The following RNF216 variants were observed in gnomAD, a reference collection of about 807,000 sequenced individuals.
RNF216 encodes E3 ubiquitin-protein ligase RNF216.
In RNF216, 72 loss-of-function variants were observed where a neutral mutation model predicts 110.8. The ratio of observed to expected loss-of-function variants is 0.65; its 90% CI spans 0.54 to 0.79. The LOEUF (loss-of-function observed/expected upper bound fraction) is 0.79. Among genes scored for constraint, RNF216 ranks in the 30% least tolerant of loss-of-function variants. RNF216 has a pLI of 0.00. For synonymous variants in RNF216, 495 were observed against 407.5 expected, an observed-to-expected ratio of 1.21 and a Z score of -2.59; for missense variants, 1,342 against 1,141.2, an observed-to-expected ratio of 1.18 and a Z score of -2.54.
At chr7:5,721,620 A>C (rs1326675745) in intron 8 of RNF216, among the ~76,000 whole-genome samples, 1 of 152,224 alleles carries the variant, frequency 6.6e-6, no homozygotes, top group African/African-American at 2.4e-5. Flanking sequence ...CCAGTTTTCC[A>C]AAGTGGTTGT....
At chr7:5,735,351 G>A (rs374223757) in intron 5 of RNF216, among the ~76,000 whole-genome samples, 44 of 152,216 alleles carry the variant, frequency 2.9e-4, no homozygotes, top group African/African-American at 1.0e-3. Flanking sequence ...CACCATGGGA[G>A]CCAGCAGGAA....
At chr7:5,752,146 C>T (rs1458106427) in intron 3 of RNF216, among the ~76,000 whole-genome samples, 2 of 151,836 alleles carry the variant, frequency 1.3e-5, no homozygotes, top group African/African-American at 4.8e-5. Context: ...GATCGCGCCA[C>T]TGCACTCCAG....
At chr7:5,684,411 A>G (rs1001489978) in intron 13 of RNF216, among the ~76,000 whole-genome samples, 3 of 152,112 alleles carry the variant, frequency 2.0e-5, no homozygotes, top group African/African-American at 4.8e-5. Flanking sequence ...CTGGCCCACA[A>G]GCTGGGCCTT....
In RNF216 at chr7:5,715,136, G is replaced by C. The variant is rs771092760; in HGVS notation, c.1750C>G (p.Leu584Val). 7 of 1,613,738 alleles carry C rather than the reference G, an allele frequency of 4.3e-6. No homozygotes were observed. In the Admixed American group the frequency reaches 8.3e-5, roughly 19 times the overall value. ...AAGTGAGCATCTGCGCACTGCGTCA[G>C]CTCCTCGAATGGAAATTCCCCATAG... ...CCYGEFPFEE[L>V]TQCADAHLFC... The change falls in exon 11 of 17, where the codon CTG becomes GTG. Residue 584 changes from leucine (L) to valine (V), a missense_variant. Transcript: ENST00000389902.
At chr7:5,769,907 AGTGCTTGTAGCCAG>A (rs1243606395) in intron 1 of RNF216, among the ~76,000 whole-genome samples, 4 of 42,792 alleles carry the variant, frequency 9.3e-5, no homozygotes, top group Admixed American at 6.2e-4. Context: ...CTTGGTGGCG[AGTGCTTGTAGCCAG>A]GAGGCTGAGA....
chr7:5,641,076 T>C, intron 15 of RNF216, 78 bp downstream of exon 15: 1 of 1,168,566 alleles, frequency 8.6e-7, no homozygotes, highest in Non-Finnish European at 1.2e-6. Context: ...TTTTGTTACG[T>C]ATATTCAAAA....
chr7:5,643,939 G>A (rs1322883748), intron 14 of RNF216, among the ~76,000 whole-genome samples: 1 of 152,182 alleles, frequency 6.6e-6, no homozygotes, highest in Non-Finnish European at 1.5e-5. Flanking sequence ...CATAGGAATG[G>A]AAATCACACG....
chr7:5,746,693 T>C (rs535300460), intron 3 of RNF216, among the ~76,000 whole-genome samples: 53 of 152,306 alleles, frequency 3.5e-4, no homozygotes, highest in African/African-American at 1.2e-3. Context: ...TTTCTAAAAA[T>C]TGGAGTACTC....
chr7:5,725,386 C>G lies in RNF216; in HGVS notation c.1442G>C (p.Gly481Ala). The change falls in exon 8 of 17, where the codon GGA becomes GCA. Residue 481 changes from glycine (G) to alanine (A), a missense_variant. By Grantham distance (60) the Gly-to-Ala change is moderately conservative. Coordinates refer to ENST00000389902, the MANE Select transcript of RNF216 (RefSeq NM_207111.4). ...KWQELSPETS[G>A]KRKKRKQMNQ... is the part of the protein sequence containing the mutation. ...CATTTGTTTTCTCTTCTTCCTTTTT[C>G]CACTGGTTTCTGGTGACAGCTCCTG... 1.2e-6 allele frequency: 2 copies of G among 1,613,906 alleles called. No individual in the cohort carries two copies. Among genetic ancestry groups the G allele is most frequent in the Non-Finnish European group, 1.7e-6 (2 of 1,179,818 alleles).
At chr7:5,640,937 G>T (rs549960036) in intron 15 of RNF216, among the ~76,000 whole-genome samples, 2 of 152,290 alleles carry the variant, frequency 1.3e-5, no homozygotes, top group East Asian at 1.9e-4. Context: ...AGAATTAAAA[G>T]AATTTGCCTA....
At chr7:5,638,440 T>A (rs1787531564) in intron 15 of RNF216, among the ~76,000 whole-genome samples, 1 of 152,162 alleles carries the variant, frequency 6.6e-6, no homozygotes, top group African/African-American at 2.4e-5. Context: ...AACTCCCAGA[T>A]CAAGTACACG....
chr7:5,711,923 G>C (rs931418663), intron 12 of RNF216, 84 bp from the exon 13 acceptor site: 1 of 1,245,150 alleles, frequency 8.0e-7, no homozygotes, highest in East Asian at 2.4e-5. Flanking sequence ...TTCATATGAA[G>C]ATGGAGTTTT....
At chr7:5,627,110 G>A (rs1420472849) in intron 15 of RNF216, among the ~76,000 whole-genome samples, 1 of 152,148 alleles carries the variant, frequency 6.6e-6, no homozygotes, top group South Asian at 2.1e-4. Flanking sequence ...GCACAAGGGG[G>A]TACCTCAGGA....
At position 5,696,660 on chromosome 7, in the gene RNF216, C is replaced by T. The variant is rs1021816819; in HGVS notation, c.2061+15101G>A. ...ATCCTCGCTTTTGACTACTGCCCCA[C>T]GTCTCCCCTCTTGCCCCCAACCTGC... On this transcript the variant is annotated intron_variant, in intron 13 of 16. Transcript: ENST00000389902. This position sits in a 1 kb window ranked among gnomAD's most constrained non-coding sequence, Gnocchi z 5.4. 1.8e-4 allele frequency among the ~76,000 whole-genome samples: 28 copies of T among 152,190 alleles called. No homozygotes were observed. The highest frequency in any genetic ancestry group is 6.8e-4 in the African/African-American group (28 of 41,438).
intron 9 of RNF216, among the ~76,000 whole-genome samples, chr7:5,718,634 T>A (rs1316751204): frequency 6.6e-6 from 1 of 150,752 alleles, no homozygotes; most frequent in Non-Finnish European, 1.5e-5. Context: ...GCAACCAACC[T>A]CGACCTCCCA....
At chr7:5,669,941 T>G (rs1234647858) in intron 13 of RNF216, among the ~76,000 whole-genome samples, 2 of 151,898 alleles carry the variant, frequency 1.3e-5, no homozygotes, top group Non-Finnish European at 2.9e-5. Flanking sequence ...CTTTTTTTTT[T>G]TTTGAGATGG....
At chr7:5,713,136 A>G (rs1232057961) in intron 11 of RNF216, among the ~76,000 whole-genome samples, 1 of 152,232 alleles carries the variant, frequency 6.6e-6, no homozygotes, top group Non-Finnish European at 1.5e-5. Context: ...CACACACAGA[A>G]GCCCATAGCT....
chr7:5,725,034 TCCC>T (rs1215486919), intron 8 of RNF216, among the ~76,000 whole-genome samples: 1 of 152,090 alleles, frequency 6.6e-6, no homozygotes, highest in Non-Finnish European at 1.5e-5. Context: ...GACCAGTTTT[TCCC>T]CCCAAGCTTA....
At chr7:5,739,035 G>A (rs1488123705) in intron 5 of RNF216, among the ~76,000 whole-genome samples, 3 of 152,162 alleles carry the variant, frequency 2.0e-5, no homozygotes, top group African/African-American at 4.8e-5. Context: ...AAGAAAGTAG[G>A]ATGGTGGGTG....
Sources: gnomAD v4.1 joint callset for allele counts (sites outside exome capture counted in the v4.1 genomes callset) on GRCh38, gnomAD v4.1.1 for gene constraint, Gnocchi (gnomAD v3.1) non-coding constraint, MANE v1.5 for transcripts, NCBI Gene and HGNC (gene_info 2026-07-23, HGNC 2026-07-21) for gene names.